Variants in ANK3 observed in about 807,000 individuals in gnomAD.
ANK3 encodes the protein ankyrin-3.
In ANK3, 57 loss-of-function variants were observed where a neutral mutation model predicts 370.9. The ratio of observed to expected loss-of-function variants is 0.15; its 90% CI spans 0.12 to 0.19. The LOEUF is 0.19. Among genes scored for constraint, ANK3 ranks in the 10% least tolerant of loss-of-function variants. The pLI is 1.00. For missense variants in ANK3, 4,439 were observed against 5,302.1 expected (o/e 0.84, Z 5.06); for synonymous variants, 1,929 against 1,946.3 (o/e 0.99, Z 0.23).
At chr10:60,386,873 C>T (rs1185489537) in intron 1 of ANK3, among the ~76,000 whole-genome samples, 1 of 152,166 alleles carries the variant, frequency 6.6e-6, no homozygotes, top group African/African-American at 2.4e-5. Flanking sequence ...TGATTAAAAG[C>T]TCCTGGCCCG....
intron 2 of ANK3, among the ~76,000 whole-genome samples, chr10:60,532,244 G>T (rs904777352): frequency 6.6e-6 from 1 of 152,126 alleles, no homozygotes; most frequent in Non-Finnish European, 1.5e-5. Context: ...CCTCTCTGTT[G>T]AATGTATGTG....
At chr10:60,724,138 A>G (rs1306790576) in intron 1 of ANK3, among the ~76,000 whole-genome samples, 1 of 112,352 alleles carries the variant, frequency 8.9e-6, no homozygotes, top group Non-Finnish European at 1.7e-5. Flanking sequence ...TGAACCCGGG[A>G]GGCGGAGCTT....
At chr10:60,585,853 G>C (rs2077823472) in intron 2 of ANK3, among the ~76,000 whole-genome samples, 1 of 152,018 alleles carries the variant, frequency 6.6e-6, no homozygotes, top group South Asian at 2.1e-4. Flanking sequence ...GTGAAACTCT[G>C]TCTCTACCAA....
chr10:60,349,081 CAG>C (rs35546800), intron 1 of ANK3, among the ~76,000 whole-genome samples: 105,895 of 151,820 alleles, frequency 0.7, 38,199 homozygotes, highest in South Asian at 0.91. Context: ...ATGAGAAACA[CAG>C]AGAGGGAAGA....
At chr10:60,436,583 G>T (rs887677717) in intron 2 of ANK3, among the ~76,000 whole-genome samples, 5 of 152,138 alleles carry the variant, frequency 3.3e-5, no homozygotes, top group African/African-American at 9.7e-5. Flanking sequence ...TCATGTCGTT[G>T]TTGGCCATTT....
At chr10:60,198,735 G>T (rs1300609049) in intron 13 of ANK3, among the ~76,000 whole-genome samples, 198 bp from the exon 14 acceptor site, 3 of 152,132 alleles carry the variant, frequency 2.0e-5, no homozygotes, top group Admixed American at 6.5e-5. Flanking sequence ...AAATACCTGT[G>T]GAGAGTGACT....
At chr10:60,656,756 A>G (rs2078869647) in intron 1 of ANK3, among the ~76,000 whole-genome samples, 1 of 151,906 alleles carries the variant, frequency 6.6e-6, no homozygotes, top group Non-Finnish European at 1.5e-5. Flanking sequence ...CAAAATATCT[A>G]ATTTCTTTTT....
At chr10:60,059,949 G>C in intron 40 of ANK3, 1 of 1,613,646 alleles carries the variant, frequency 6.2e-7, no homozygotes, top group Non-Finnish European at 8.5e-7. Context: ...GAAAGGGGTA[G>C]GTGGTGTGTA....
intron 1 of ANK3, among the ~76,000 whole-genome samples, chr10:60,654,102 T>A (rs191933435): frequency 4.6e-5 from 7 of 152,212 alleles, no homozygotes; most frequent in Admixed American, 1.3e-4. Flanking sequence ...GAATCTGTTT[T>A]TGTATTTTAT....
rs765485154 is a variant in ANK3, at chr10:60,198,532, G to A, written c.1497C>T (p.Asp499=). 6 of 1,614,092 alleles carry A rather than the reference G, an allele frequency of 3.7e-6. No homozygotes were observed. The highest frequency in any genetic ancestry group is 4.2e-6 in the Non-Finnish European group (5 of 1,179,974). ...GGGCTGAAATGTGGAGTGGTGTTTG[G>A]TCATCCTAAACAGCAAGGTAGAAAT... The part of the protein sequence containing the change: ...GAQVEAKAKD[D]QTPLHISARL... The change falls in exon 14 of 44, where the codon GAC becomes GAT. Residue 499 remains aspartate, a synonymous_variant. Transcript: ENST00000280772.
chr10:60,491,297 GA>G (rs1484457791), intron 2 of ANK3, among the ~76,000 whole-genome samples: 1 of 152,154 alleles, frequency 6.6e-6, no homozygotes, highest in Non-Finnish European at 1.5e-5. Context: ...TAAAGTGAGG[GA>G]TCGACCTAGG....
At chr10:60,525,498 G>A (rs541533306) in intron 2 of ANK3, among the ~76,000 whole-genome samples, 1 of 152,172 alleles carries the variant, frequency 6.6e-6, no homozygotes, top group East Asian at 1.9e-4. Flanking sequence ...TAACTCATTA[G>A]GTGTCTTAGA....
chr10:60,478,136 T>C (rs949856056), intron 2 of ANK3, among the ~76,000 whole-genome samples: 8 of 152,054 alleles, frequency 5.3e-5, no homozygotes, highest in Non-Finnish European at 1.2e-4. Context: ...TGATATAACA[T>C]TTATAATAAG....
intron 2 of ANK3, among the ~76,000 whole-genome samples, chr10:60,557,397 G>A (rs1053339159): frequency 5.3e-5 from 8 of 152,192 alleles, no homozygotes; most frequent in African/African-American, 1.7e-4. Flanking sequence ...GGACAATATT[G>A]TATGACTCCA....
rs539447642 is a variant in ANK3 at position 60,484,061 on chromosome 10, A to G, written c.96+131125T>C. ...TACCATTTCCCTCCTTATTAAACTCACATCCTAAATGAAGATAAGCAATAA... is the reference window on the plus strand; with the variant it reads ...TACCATTTCCCTCCTTATTAAACTCGCATCCTAAATGAAGATAAGCAATAA... On this transcript the variant is annotated intron_variant, in intron 2 of 43. Transcript: ENST00000373827. Among the ~76,000 whole-genome samples, 8 of 152,332 alleles carry G rather than the reference A, an allele frequency of 5.3e-5. No homozygotes were observed. The South Asian group carries it at 1.7e-3, about 32-fold the overall frequency.
At chr10:60,517,748 AAGAG>A (rs1006481520) in intron 2 of ANK3, among the ~76,000 whole-genome samples, 61 of 138,416 alleles carry the variant, frequency 4.4e-4, no homozygotes, top group African/African-American at 1.4e-3. Context: ...ATTATTAAAA[AAGAG>A]AGAAAGAGAG....
rs1349009200 is a variant in ANK3 at position 60,278,274 on chromosome 10, G to C, written c.414+500C>G. On this transcript the variant is annotated intron_variant, in intron 4 of 43. Transcript: ENST00000280772. ...CATTACAGATACCCTTTAAACATTT[G>C]TGTCTATGACTAGTATCTTTTATAG... Among the ~76,000 whole-genome samples the C allele has an allele frequency of 2.6e-5, 4 of 152,146 alleles. No individual in the cohort carries two copies. The East Asian group carries it at 7.7e-4, about 29-fold the overall frequency.
intron 2 of ANK3, among the ~76,000 whole-genome samples, chr10:60,466,657 G>C (rs2065019406): frequency 6.6e-6 from 1 of 152,064 alleles, no homozygotes. Flanking sequence ...GCAAAAAGTA[G>C]AAACAACTGA....
intron 2 of ANK3, among the ~76,000 whole-genome samples, chr10:60,462,360 G>GT (rs2064906556): frequency 6.6e-6 from 1 of 152,034 alleles, no homozygotes; most frequent in Admixed American, 6.6e-5. Flanking sequence ...AGTAACCCCA[G>GT]TTTTCTTTGA....
Sources: gnomAD v4.1 joint callset for allele counts (sites outside exome capture counted in the v4.1 genomes callset) on GRCh38, gnomAD v4.1.1 for gene constraint, MANE v1.5 for transcripts, NCBI Gene and HGNC (gene_info 2026-07-23, HGNC 2026-07-21) for gene names.